The following PDE1C variants were observed in gnomAD, a reference collection of about 807,000 sequenced individuals.
PDE1C encodes phosphodiesterase 1C.
A neutral mutation model predicts 93.1 loss-of-function variants in PDE1C; 62 were observed. The observed-to-expected ratio is 0.67, with a 90% confidence interval of 0.54 to 0.82. PDE1C has a LOEUF of 0.82. Ranked by LOEUF, PDE1C falls within the 40% of genes least tolerant of loss-of-function variation. The pLI is 0.00. For missense variants in PDE1C, 742 were observed against 884.6 expected (o/e 0.84, Z 2.04); for synonymous variants, 325 against 310.1 (o/e 1.05, Z -0.50).
At chr7:32,330,639 T>C (rs1348616457) in intron 1 of PDE1C, among the ~76,000 whole-genome samples, 2 of 152,210 alleles carry the variant, frequency 1.3e-5, no homozygotes, top group Admixed American at 1.3e-4. Flanking sequence ...TAACCCCTGC[T>C]TAAGTAAGGA....
At chr7:32,293,684 T>C (rs1056356212) in intron 1 of PDE1C, among the ~76,000 whole-genome samples, 17 of 152,004 alleles carry the variant, frequency 1.1e-4, no homozygotes, top group Non-Finnish European at 2.2e-4. Context: ...CAAGCCTCCG[T>C]TTGCAGACTC....
At chr7:31,914,232 A>G (rs1382525637) in intron 2 of PDE1C, among the ~76,000 whole-genome samples, 1 of 152,140 alleles carries the variant, frequency 6.6e-6, no homozygotes, top group East Asian at 1.9e-4. Context: ...CAAGATCTTA[A>G]TTAAAATATA....
At chr7:31,740,229 AC>A in the PDE1C span, among the ~76,000 whole-genome samples, 6 of 152,208 alleles carry the variant, frequency 3.9e-5, no homozygotes, top group African/African-American at 1.2e-4. Flanking sequence ...AATTCTGCAA[AC>A]AAAGTCACCC....
chr7:31,630,810 G>A, the PDE1C span, among the ~76,000 whole-genome samples: 3 of 151,624 alleles, frequency 2.0e-5, no homozygotes, highest in Non-Finnish European at 2.9e-5. Context: ...AAATGAATGG[G>A]CAAAATATAC....
chr7:32,122,506 A>G (rs763656996), intron 3 of PDE1C, among the ~76,000 whole-genome samples: 2 of 151,876 alleles, frequency 1.3e-5, no homozygotes, highest in African/African-American at 4.8e-5. Context: ...AACTAAAATC[A>G]TAACAGTCTC....
intron 9 of PDE1C, among the ~76,000 whole-genome samples, chr7:31,842,006 C>A (rs980631869): frequency 2.0e-5 from 3 of 152,098 alleles, no homozygotes; most frequent in Non-Finnish European, 4.4e-5. Flanking sequence ...GAGGTCAACT[C>A]ATGTTAGGAA....
At chr7:32,060,016 A>T (rs937670724) in intron 1 of PDE1C, among the ~76,000 whole-genome samples, 1 of 152,228 alleles carries the variant, frequency 6.6e-6, no homozygotes, top group African/African-American at 2.4e-5. Flanking sequence ...AGAAAAGCTA[A>T]AAGCAAAACT....
chr7:32,399,099 A>G (rs1784894897), intron 1 of PDE1C, among the ~76,000 whole-genome samples: 1 of 152,206 alleles, frequency 6.6e-6, no homozygotes, highest in Non-Finnish European at 1.5e-5. Flanking sequence ...GAACTATGTC[A>G]CTATTAGCAA....
chr7:31,736,260 T>A, the PDE1C span, among the ~76,000 whole-genome samples: 1 of 152,188 alleles, frequency 6.6e-6, no homozygotes, highest in African/African-American at 2.4e-5. Context: ...GATTTCTTTG[T>A]CCCTACAATG....
chr7:32,193,916 G>GTTTTTT lies in PDE1C; in HGVS notation c.136+15567_136+15572dup, dbSNP rs1554283858. ...TGGTTTTTTTTTTTGGTTTTGTTTT[G>GTTTTTT]TTTTTTTTTTTTTTTTGAGACGGAG... On this transcript the variant is annotated intron_variant, in intron 2 of 18. Coordinates refer to the PDE1C transcript ENST00000396193. 5.9e-4 allele frequency among the ~76,000 whole-genome samples: 68 copies of GTTTTTT among 115,250 alleles called. 1 individual carries two copies. Among genetic ancestry groups the GTTTTTT allele is most frequent in the Non-Finnish European group, 9.9e-4 (58 of 58,448 alleles). 75.6% of individuals were successfully genotyped at this position (115,250 alleles called of 152,430 possible).
intron 3 of PDE1C, among the ~76,000 whole-genome samples, chr7:32,129,190 T>C (rs1799778000): frequency 6.6e-6 from 1 of 151,194 alleles, no homozygotes; most frequent in Admixed American, 6.6e-5. Flanking sequence ...AATCTGTTGG[T>C]TGTACTAGAG....
intron 2 of PDE1C, among the ~76,000 whole-genome samples, chr7:31,956,393 C>T (rs956431522): frequency 1.3e-5 from 2 of 151,940 alleles, no homozygotes; most frequent in African/African-American, 4.8e-5. Context: ...CACCCAGCCC[C>T]TTTTTCTCCC....
chr7:32,356,916 G>C (rs543741271), intron 1 of PDE1C, among the ~76,000 whole-genome samples: 9 of 152,236 alleles, frequency 5.9e-5, no homozygotes, highest in African/African-American at 2.2e-4. Flanking sequence ...ATGTGCACCA[G>C]ATGAAGACTC....
the PDE1C span, among the ~76,000 whole-genome samples, chr7:31,670,696 G>C: frequency 6.6e-6 from 1 of 152,160 alleles, no homozygotes; most frequent in Non-Finnish European, 1.5e-5. Flanking sequence ...GGGCAGAAGA[G>C]AGCAGGTTCC....
At chr7:32,070,905 CCGCCCCGCGCCCAG>C (rs1477278635), upstream of PDE1C, 1 of 985,570 alleles carries the variant, frequency 1.0e-6, no homozygotes, top group African/African-American at 1.7e-5. Context: ...GCACCCGGCT[CCGCCCCGCGCCCAG>C]CGCCCCGCTC....
At chr7:32,376,844 C>T (rs1019697027) in intron 1 of PDE1C, among the ~76,000 whole-genome samples, 43 of 152,134 alleles carry the variant, frequency 2.8e-4, no homozygotes, top group African/African-American at 1.0e-3. Flanking sequence ...CCCGCCACCA[C>T]GCCGGGTTAA....
intron 2 of PDE1C, among the ~76,000 whole-genome samples, chr7:31,886,345 C>A (rs1242823696): frequency 6.6e-6 from 1 of 152,190 alleles, no homozygotes; most frequent in Non-Finnish European, 1.5e-5. Context: ...TAGTCTTATG[C>A]TTTAATGCCA....
chr7:32,155,884 C>T (rs140092559), intron 3 of PDE1C, among the ~76,000 whole-genome samples: 17 of 152,278 alleles, frequency 1.1e-4, no homozygotes, highest in African/African-American at 2.6e-4. Flanking sequence ...ACAAACAGAA[C>T]GCTCTGTAAC....
At chr7:32,219,934 T>C (rs973244382) in intron 1 of PDE1C, among the ~76,000 whole-genome samples, 2 of 152,214 alleles carry the variant, frequency 1.3e-5, no homozygotes, top group African/African-American at 2.4e-5. Flanking sequence ...TTCCCCATAC[T>C]GTTCTCATGG....
Sources: gnomAD v4.1 joint callset for allele counts (sites outside exome capture counted in the v4.1 genomes callset) on GRCh38, gnomAD v4.1.1 for gene constraint, MANE v1.5 for transcripts, NCBI Gene and HGNC (gene_info 2026-07-23, HGNC 2026-07-21) for gene names.